The following ZIM2 variants were observed in gnomAD, a reference collection of about 807,000 sequenced individuals.
ZIM2 encodes the protein zinc finger imprinted 2, also known as zinc finger protein 656.
In ZIM2, 14 loss-of-function variants were observed where a neutral mutation model predicts 38.6. That is an observed-to-expected ratio of 0.36 (90% CI 0.24 to 0.57). ZIM2 has a LOEUF of 0.57. Ranked by LOEUF, ZIM2 falls within the 20% of genes least tolerant of loss-of-function variation. The pLI, the probability that ZIM2 is intolerant of heterozygous loss-of-function variation, is 0.81. For missense variants in ZIM2, 680 were observed against 695.1 expected (o/e 0.98, Z 0.24); for synonymous variants, 247 against 245.8 (o/e 1.00, Z -0.04).
At chr19:56,812,921 C>T (rs2059636621) in intron 9 of ZIM2, 3 of 985,414 alleles carry the variant, frequency 3.0e-6, no homozygotes, top group South Asian at 9.4e-5. Context: ...TCACAAAAAG[C>T]CAATCCGTAT....
intron 9 of ZIM2, chr19:56,815,708 C>G (rs1388789633): frequency 6.2e-7 from 1 of 1,614,108 alleles, no homozygotes; most frequent in Middle Eastern, 1.6e-4. Context: ...TCACCAGATC[C>G]CTCTCCAGGA....
At chr19:56,834,593 C>A (rs546027660) in intron 2 of ZIM2, among the ~76,000 whole-genome samples, 1 of 152,192 alleles carries the variant, frequency 6.6e-6, no homozygotes, top group Non-Finnish European at 1.5e-5. Context: ...CATGTCAGTA[C>A]GGTTTTAAGT....
chr19:56,776,822 A>G (rs1253048681), intron 12 of ZIM2, among the ~76,000 whole-genome samples: 1 of 152,146 alleles, frequency 6.6e-6, no homozygotes, highest in Non-Finnish European at 1.5e-5. Context: ...TGGCGTCAGT[A>G]AACGGGGAAG....
At chr19:56,787,937 A>AT (rs970374971) in intron 10 of ZIM2, among the ~76,000 whole-genome samples, 2 of 151,518 alleles carry the variant, frequency 1.3e-5, no homozygotes, top group Non-Finnish European at 2.9e-5. Flanking sequence ...TGATGATATC[A>AT]TTTTTTATTG....
intron 12 of ZIM2, 104 bp from the exon 13 acceptor site, chr19:56,775,633 G>T: frequency 1.4e-6 from 2 of 1,471,232 alleles, no homozygotes; most frequent in African/African-American, 1.4e-5. Flanking sequence ...TAGTGCTTTG[G>T]TTTCAGGTCT....
chr19:56,803,503 C>T (rs1025676297), intron 9 of ZIM2, among the ~76,000 whole-genome samples: 1 of 152,108 alleles, frequency 6.6e-6, no homozygotes, highest in Non-Finnish European at 1.5e-5. Flanking sequence ...CTAACCCAGG[C>T]GTTAGAGTTT....
rs1347799247 is a variant in ZIM2 at position 56,821,746 on chromosome 19, G to C, written c.199C>G (p.Pro67Ala). 5 of 1,613,784 alleles carry C rather than the reference G, an allele frequency of 3.1e-6. No homozygotes were observed. Among genetic ancestry groups the C allele is most frequent in the Non-Finnish European group, 4.2e-6 (5 of 1,180,030 alleles). ...HTRNPRSRMP[P>A]RDLSLPVVAK... ...ACCACAGGAAGGGAAAGATCCCGCG[G>C]AGGCATCCCTGGGAAGAAAAAAGGC... is the stretch of plus-strand genomic sequence containing the variant. Residue 67 changes from proline to alanine, a missense_variant, in exon 7 of 13, where the codon CCG becomes GCG. Pro to Ala is a conservative substitution (Grantham distance 27). Coordinates refer to ENST00000629319, the MANE Select transcript of ZIM2 (RefSeq NM_001387356.1).
chr19:56,817,096 G>A (rs964434296), intron 9 of ZIM2: 2 of 1,613,962 alleles, frequency 1.2e-6, no homozygotes, highest in East Asian at 2.2e-5. Flanking sequence ...ATATGGCATT[G>A]CCCCAAAATC....
chr19:56,821,312 C>A (rs1202705611), intron 7 of ZIM2, among the ~76,000 whole-genome samples: 1 of 152,202 alleles, frequency 6.6e-6, no homozygotes, highest in African/African-American at 2.4e-5. Flanking sequence ...CTCTGCAGAC[C>A]CACAGCTTTC....
At position 56,797,598 on chromosome 19, in the gene ZIM2, T is replaced by TTCTCCCCG. The variant is rs377710787; in HGVS notation, c.491-7655_491-7648dup. 1.3e-3 allele frequency among the ~76,000 whole-genome samples: 197 copies of TTCTCCCCG among 152,280 alleles called. 2 individuals carry two copies. Among genetic ancestry groups the TTCTCCCCG allele is most frequent in the African/African-American group, 4.2e-3 (176 of 41,560 alleles). ...TTCCATGCACTGGAGGAACTTGGAT[T>TTCTCCCCG]TCTCCCCGTCTTAAAAGTACCTCTT... On this transcript the variant is annotated intron_variant, in intron 9 of 12. Coordinates refer to ENST00000629319, the MANE Select transcript of ZIM2 (RefSeq NM_001387356.1).
At chr19:56,815,822 T>C in intron 9 of ZIM2, 1 of 1,613,574 alleles carries the variant, frequency 6.2e-7, no homozygotes, top group Non-Finnish European at 8.5e-7. Flanking sequence ...GCAGGAATCT[T>C]CTGTCGCTTA....
At chr19:56,782,762 G>A (rs549440198) in intron 10 of ZIM2, among the ~76,000 whole-genome samples, 16 of 151,636 alleles carry the variant, frequency 1.1e-4, no homozygotes, top group South Asian at 2.1e-4. Flanking sequence ...ATATACTTAC[G>A]GGGTACATGA....
chr19:56,774,696 G>T lies in ZIM2; in HGVS notation c.1669C>A (p.His557Asn). The T allele has an allele frequency of 6.2e-7, 1 of 1,613,878 alleles. No homozygotes were observed. The highest frequency in any genetic ancestry group is 1.1e-5 in the South Asian group (1 of 91,002). Reference sequence around the variant, plus strand: ...CTGTGACTAAAGGTTTCTCAACAGTGATCGCACTCAACAGTTTTCTCTTGA... The same window carrying T: ...CTGTGACTAAAGGTTTCTCAACAGTTATCGCACTCAACAGTTTTCTCTTGA... The part of the protein sequence containing the change: ...HSQEKTVECD[H>N]C The change falls in exon 13 of 13, where the codon CAC becomes AAC. Residue 557 changes from histidine (H) to asparagine (N), a missense_variant. Physicochemically the swap from His to Asn is moderately conservative, Grantham distance 68. Coordinates refer to ENST00000629319, the MANE Select transcript of ZIM2 (RefSeq NM_001387356.1).
At chr19:56,823,247 C>T (rs2060675100) in intron 5 of ZIM2, among the ~76,000 whole-genome samples, 1 of 152,278 alleles carries the variant, frequency 6.6e-6, no homozygotes, top group South Asian at 2.1e-4. Context: ...ACACACACAC[C>T]CTCCCTGAAA....
At chr19:56,799,117 T>C (rs1276030102) in intron 9 of ZIM2, 1 of 152,164 alleles carries the variant, frequency 6.6e-6, no homozygotes, top group Non-Finnish European at 1.5e-5. Context: ...ACTGGGTATA[T>C]ACCCAGAGGA....
rs184976211 is a variant in ZIM2, at chr19:56,792,428, G to A, written c.491-2477C>T. 2.1e-3 allele frequency among the ~76,000 whole-genome samples: 323 copies of A among 150,862 alleles called. 2 individuals carry two copies. Among genetic ancestry groups the A allele is most frequent in the African/African-American group, 7.7e-3 (315 of 40,944 alleles). On this transcript the variant is annotated intron_variant, in intron 9 of 12. Coordinates refer to ENST00000629319, the MANE Select transcript of ZIM2 (RefSeq NM_001387356.1). ...CCCCTGGAATTCTAGCTACTCGGGA[G>A]GCTGAGGCAGGAGAATTGCTTGAAC...
At chr19:56,790,013 TG>T in intron 9 of ZIM2, 62 bp from the exon 10 acceptor site, 3 of 1,367,902 alleles carry the variant, frequency 2.2e-6, no homozygotes, top group Non-Finnish European at 2.9e-6. Context: ...ACAGACACAG[TG>T]GCCAGCCACC....
intron 9 of ZIM2, chr19:56,813,790 G>C: frequency 1.9e-6 from 3 of 1,614,152 alleles, no homozygotes; most frequent in South Asian, 1.1e-5. Context: ...ACCTGTGCTG[G>C]TGCTGGCACG....
intron 3 of ZIM2, among the ~76,000 whole-genome samples, chr19:56,825,718 A>G (rs1436753022): frequency 6.6e-6 from 1 of 152,178 alleles, no homozygotes; most frequent in Non-Finnish European, 1.5e-5. Context: ...GGGAGCATAA[A>G]CTACCTACTG....
Sources: allele counts gnomAD v4.1 joint callset (sites outside exome capture counted in the v4.1 genomes callset), GRCh38; gene constraint gnomAD v4.1.1; transcripts MANE v1.5; gene names NCBI Gene and HGNC (gene_info 2026-07-23, HGNC 2026-07-21).